CDH8: variants seen among roughly 807,000 people sequenced by gnomAD.
The protein encoded by CDH8 is cadherin-8.
A neutral mutation model predicts 68.1 loss-of-function variants in CDH8; 17 were observed. The ratio of observed to expected loss-of-function variants is 0.25; its 90% CI spans 0.17 to 0.37. The LOEUF is 0.37. Among genes scored for constraint, CDH8 ranks in the 10% least tolerant of loss-of-function variants. CDH8 has a pLI of 1.00. For missense variants in CDH8, 763 were observed against 999.3 expected (o/e 0.76, Z 3.19); for synonymous variants, 372 against 365.1 (o/e 1.02, Z -0.21).
chr16:61,949,489 T>G (rs1964854896), intron 2 of CDH8, among the ~76,000 whole-genome samples: 1 of 152,028 alleles, frequency 6.6e-6, no homozygotes, highest in Non-Finnish European at 1.5e-5. Context: ...GGAAGCTTTG[T>G]TCTTTCACTC....
intron 7 of CDH8, among the ~76,000 whole-genome samples, chr16:61,793,046 G>A (rs1441295942): frequency 6.6e-6 from 1 of 151,838 alleles, no homozygotes; most frequent in Non-Finnish European, 1.5e-5. Flanking sequence ...GAGGTGATTA[G>A]GATGTGAAGC....
intron 10 of CDH8, among the ~76,000 whole-genome samples, chr16:61,694,768 TTGGTGG>T (rs927663987): frequency 6.6e-6 from 1 of 151,760 alleles, no homozygotes; most frequent in African/African-American, 2.4e-5. Context: ...GTTGTTGCTG[TTGGTGG>T]TGGTGGTGGT....
chr16:61,927,531 T>A (rs1168126716), intron 2 of CDH8, among the ~76,000 whole-genome samples: 1 of 152,200 alleles, frequency 6.6e-6, no homozygotes, highest in Non-Finnish European at 1.5e-5. Flanking sequence ...GATATATGCC[T>A]CCTAGACAAA....
At chr16:61,897,985 G>C (rs867676609) in intron 3 of CDH8, among the ~76,000 whole-genome samples, 7 of 152,194 alleles carry the variant, frequency 4.6e-5, no homozygotes, top group Middle Eastern at 3.4e-3. Context: ...CCTAGGAAAA[G>C]TGTCATTCCA....
chr16:61,650,488 G>C lies in CDH8; in HGVS notation c.*3120C>G, dbSNP rs1271882868. 6.6e-6 allele frequency: 1 copy of C among 152,058 alleles called. No individual in the cohort carries two copies. The highest frequency in any genetic ancestry group is 1.5e-5 in the Non-Finnish European group (1 of 68,010). 9.4% of individuals were successfully genotyped at this position (152,058 alleles called of 1,614,324 possible). The stretch of plus-strand genomic sequence containing the variant: ...GATGAAACAGACAACAATGCACATA[G>C]CTTTAAAAATATAGTCATTTCAATA... On this transcript the variant is annotated 3_prime_UTR_variant, in exon 12 of 12. Transcript: ENST00000577390.
chr16:61,824,812 T>C (rs1241759281), intron 5 of CDH8, among the ~76,000 whole-genome samples, 200 bp downstream of exon 5: 1 of 151,948 alleles, frequency 6.6e-6, no homozygotes, highest in African/African-American at 2.4e-5. Flanking sequence ...TACTATACGC[T>C]TGATATTTGG....
intron 10 of CDH8, among the ~76,000 whole-genome samples, chr16:61,676,816 C>T (rs897126914): frequency 6.6e-6 from 1 of 152,024 alleles, no homozygotes; most frequent in Non-Finnish European, 1.5e-5. Context: ...AGATGTAGAA[C>T]ATTTCCATCA....
chr16:61,665,061 G>A (rs184673184), intron 10 of CDH8, among the ~76,000 whole-genome samples: 15 of 152,078 alleles, frequency 9.9e-5, no homozygotes, highest in Admixed American at 9.2e-4. Flanking sequence ...TGCATTTGGA[G>A]ATGGGGCCTC....
chr16:61,818,087 G>C, intron 6 of CDH8: 1 of 179,408 alleles, frequency 5.6e-6, no homozygotes, highest in South Asian at 1.5e-4. Context: ...ACTTAATCAG[G>C]CCTCTGCTGG....
intron 1 of CDH8, among the ~76,000 whole-genome samples, chr16:62,030,955 C>A (rs1018145376): frequency 1.3e-4 from 20 of 151,916 alleles, no homozygotes; most frequent in African/African-American, 4.4e-4. Context: ...CTGTTCAATT[C>A]AAATACAAAA....
At chr16:62,017,504 AC>A (rs1901969517) in intron 2 of CDH8, among the ~76,000 whole-genome samples, 1 of 152,048 alleles carries the variant, frequency 6.6e-6, no homozygotes, top group Non-Finnish European at 1.5e-5. Context: ...AACACAGGAT[AC>A]CCCATCTCTA....
intron 2 of CDH8, among the ~76,000 whole-genome samples, chr16:61,959,722 A>T (rs1011204194): frequency 1.3e-5 from 2 of 150,632 alleles, no homozygotes; most frequent in Admixed American, 1.3e-4. Context: ...ATACACATAT[A>T]TATACACACA....
At position 61,647,799 on chromosome 16, in the gene CDH8, C is replaced by T. The variant is rs1246841467; in HGVS notation, c.*5809G>A. ...CTCTCATTTCCTTTTCTGGTCCTGA[C>T]CTCTGAGTTCATTGAAGCCATGGTT... On this transcript the variant is annotated 3_prime_UTR_variant, in exon 12 of 12. Transcript: ENST00000577390. 1.4e-6 allele frequency: 1 copy of T among 699,478 alleles called. No individual in the cohort carries two copies. The highest frequency in any genetic ancestry group is 2.0e-5 in the Admixed American group (1 of 49,868). The allele number at this position is 699,478 out of a possible 1,614,324, so 43.3% of individuals were successfully genotyped here.
intron 9 of CDH8, among the ~76,000 whole-genome samples, chr16:61,724,107 G>T (rs1443583914): frequency 6.6e-6 from 1 of 150,854 alleles, no homozygotes; most frequent in African/African-American, 2.4e-5. Context: ...GTAATGGACT[G>T]TGAACCATTT....
intron 8 of CDH8, among the ~76,000 whole-genome samples, chr16:61,758,220 T>A (rs982437106): frequency 6.6e-6 from 1 of 152,262 alleles, no homozygotes; most frequent in African/African-American, 2.4e-5. Flanking sequence ...ATTTTGACCA[T>A]GACACCTTTG....
chr16:61,984,388 G>C (rs1965592177), intron 2 of CDH8, among the ~76,000 whole-genome samples: 1 of 151,788 alleles, frequency 6.6e-6, no homozygotes, highest in African/African-American at 2.4e-5. Context: ...AGTGAGTTGA[G>C]TATTTTTTTG....
At chr16:61,809,208 A>G (rs968057743) in intron 7 of CDH8, among the ~76,000 whole-genome samples, 3 of 150,772 alleles carry the variant, frequency 2.0e-5, no homozygotes, top group East Asian at 1.9e-4. Flanking sequence ...AGACTTTACT[A>G]AAAAAAAACA....
chr16:62,003,058 A>C (rs528943081), intron 2 of CDH8, among the ~76,000 whole-genome samples: 1 of 152,314 alleles, frequency 6.6e-6, no homozygotes, highest in African/African-American at 2.4e-5. Flanking sequence ...TTTCAAAAAA[A>C]AAAATCAGAA....
chr16:61,782,119 C>T (rs1201529058), intron 8 of CDH8, among the ~76,000 whole-genome samples: 1 of 152,172 alleles, frequency 6.6e-6, no homozygotes, highest in Non-Finnish European at 1.5e-5. Flanking sequence ...CTCCGGTCTA[C>T]AGCTCCCAGC....
Sources: allele counts gnomAD v4.1 joint callset (sites outside exome capture counted in the v4.1 genomes callset), GRCh38; gene constraint gnomAD v4.1.1; transcripts MANE v1.5; gene names NCBI Gene and HGNC (gene_info 2026-07-23, HGNC 2026-07-21).